LRRTM3: variants seen among roughly 807,000 people sequenced by gnomAD.
LRRTM3 encodes the protein leucine-rich repeat transmembrane neuronal protein 3.
LRRTM3 carries 24 observed loss-of-function variants against 44.7 expected under a neutral mutation model. The observed-to-expected ratio is 0.54, with a 90% confidence interval of 0.39 to 0.76. The LOEUF (loss-of-function observed/expected upper bound fraction) is 0.76. Ranked by LOEUF, LRRTM3 falls within the 30% of genes least tolerant of loss-of-function variation. The pLI is 0.00. For synonymous variants in LRRTM3, 277 were observed against 278.7 expected (o/e 0.99, Z 0.06); for missense variants, 587 against 702.2 (o/e 0.84, Z 1.85).
chr10:66,994,279 G>A (rs936172723), intron 2 of LRRTM3, among the ~76,000 whole-genome samples: 4 of 152,114 alleles, frequency 2.6e-5, no homozygotes, highest in South Asian at 2.1e-4. Flanking sequence ...AGCTTTATAC[G>A]GACATTTAAC....
intron 2 of LRRTM3, among the ~76,000 whole-genome samples, chr10:66,944,427 C>G (rs1281033110): frequency 6.6e-6 from 1 of 152,174 alleles, no homozygotes; most frequent in Non-Finnish European, 1.5e-5. Context: ...TCTTCAGTTA[C>G]TTCCTCCACT....
chr10:67,014,841 G>GA (rs1235348075), intron 2 of LRRTM3, among the ~76,000 whole-genome samples: 4 of 152,020 alleles, frequency 2.6e-5, no homozygotes, highest in Middle Eastern at 6.8e-3. Flanking sequence ...TACCAAGGTA[G>GA]AAAAATGGTC....
intron 2 of LRRTM3, among the ~76,000 whole-genome samples, chr10:66,953,693 T>C (rs1739809421): frequency 6.6e-6 from 1 of 152,186 alleles, no homozygotes; most frequent in Non-Finnish European, 1.5e-5. Context: ...CTTTGAAACT[T>C]AAAATAGATA....
Position 67,097,872 on chromosome 10 carries a change from G to A in LRRTM3, c.*76G>A. ...ACAAAATGAGGAAGATGTGTTCATT[G>A]TGGACTCTAAAAACAAAACAAAACA... is the stretch of plus-strand genomic sequence containing the variant. On this transcript the variant is annotated 3_prime_UTR_variant, in exon 3 of 3. Coordinates refer to ENST00000361320, the MANE Select transcript of LRRTM3 (RefSeq NM_178011.5). 7.6e-7 allele frequency: 1 copy of A among 1,323,226 alleles called. No individual in the cohort carries two copies. The allele number at this position is 1,323,226 out of a possible 1,614,324, so 82.0% of individuals were successfully genotyped here. A position where few individuals can be genotyped will look rare whatever the true frequency, so the allele number is the denominator to read the frequency against.
chr10:66,971,721 C>T (rs1849734382), intron 2 of LRRTM3, among the ~76,000 whole-genome samples: 1 of 152,112 alleles, frequency 6.6e-6, no homozygotes, highest in Non-Finnish European at 1.5e-5. Flanking sequence ...ACTGAATTTG[C>T]AGGCAATTCC....
intron 2 of LRRTM3, among the ~76,000 whole-genome samples, chr10:67,064,484 A>G (rs1280261226): frequency 6.6e-6 from 1 of 152,200 alleles, no homozygotes; most frequent in Non-Finnish European, 1.5e-5. Context: ...TTAAGTTCAC[A>G]ATAAATTTTA....
intron 2 of LRRTM3, among the ~76,000 whole-genome samples, chr10:67,043,253 T>C (rs1854519580): frequency 6.6e-6 from 1 of 151,752 alleles, no homozygotes; most frequent in Non-Finnish European, 1.5e-5. Context: ...CCACAGATGA[T>C]GAATGGTATG....
At chr10:66,950,553 T>C (rs1269345688) in intron 2 of LRRTM3, among the ~76,000 whole-genome samples, 1 of 152,094 alleles carries the variant, frequency 6.6e-6, no homozygotes, top group Non-Finnish European at 1.5e-5. Context: ...ATTTGAGATT[T>C]AGTTCATATC....
intron 2 of LRRTM3, among the ~76,000 whole-genome samples, chr10:66,943,346 C>G (rs1397134544): frequency 6.6e-6 from 1 of 151,862 alleles, no homozygotes; most frequent in Non-Finnish European, 1.5e-5. Flanking sequence ...TTTTTTTTTA[C>G]ACTTTAACAC....
chr10:66,994,593 A>C (rs1438460168), intron 2 of LRRTM3, among the ~76,000 whole-genome samples: 1 of 152,174 alleles, frequency 6.6e-6, no homozygotes, highest in African/African-American at 2.4e-5. Flanking sequence ...CCTAAAGTTC[A>C]TTATTTCAAT....
intron 2 of LRRTM3, among the ~76,000 whole-genome samples, chr10:66,980,998 C>T (rs913674653): frequency 2.0e-5 from 3 of 152,132 alleles, no homozygotes; most frequent in Non-Finnish European, 4.4e-5. Flanking sequence ...CCTCCACCTC[C>T]CGGGTTCAAG....
chr10:67,089,654 T>C (rs2131903999), intron 2 of LRRTM3, among the ~76,000 whole-genome samples: 1 of 151,842 alleles, frequency 6.6e-6, no homozygotes, highest in South Asian at 2.1e-4. Flanking sequence ...TTGGCACACA[T>C]AAAGGATGAA....
intron 2 of LRRTM3, among the ~76,000 whole-genome samples, chr10:67,035,543 A>G (rs1853995708): frequency 6.6e-6 from 1 of 152,186 alleles, no homozygotes. Flanking sequence ...GAATCAGTAA[A>G]TTCTAACTCG....
At chr10:66,955,012 T>C (rs1404120929) in intron 2 of LRRTM3, among the ~76,000 whole-genome samples, 1 of 152,182 alleles carries the variant, frequency 6.6e-6, no homozygotes, top group African/African-American at 2.4e-5. Context: ...TGGAAAACAT[T>C]GGAGCACATT....
intron 2 of LRRTM3, among the ~76,000 whole-genome samples, chr10:66,952,832 T>C (rs1240008782): frequency 6.6e-6 from 1 of 151,926 alleles, no homozygotes; most frequent in Non-Finnish European, 1.5e-5. Flanking sequence ...TTATATAATT[T>C]CAACAATTTT....
intron 2 of LRRTM3, among the ~76,000 whole-genome samples, chr10:66,972,421 G>C (rs1450624613): frequency 1.3e-5 from 2 of 152,116 alleles, no homozygotes; most frequent in Non-Finnish European, 2.9e-5. Context: ...CTCCTGAGTA[G>C]CTGGACCTAA....
At position 66,927,126 on chromosome 10, in the gene LRRTM3, T is replaced by C. The variant is rs1447731608; in HGVS notation, c.210T>C (p.Tyr70=). 1.2e-6 allele frequency: 2 copies of C among 1,614,194 alleles called. No individual in the cohort carries two copies. Among genetic ancestry groups the C allele is most frequent in the South Asian group, 1.1e-5 (1 of 91,086 alleles). ...GTTGCTTAGGTTTGTCCCTTCGCTATAACAGCCTTCAAAAACTTAAGTATA... is the reference window on the plus strand; with the variant it reads ...GTTGCTTAGGTTTGTCCCTTCGCTACAACAGCCTTCAAAAACTTAAGTATA... ...SAGCLGLSLR[Y]NSLQKLKYNQ... is the part of the protein sequence containing the mutation. Residue 70 remains tyrosine (Y), a synonymous_variant, in exon 2 of 3, where the codon TAT becomes TAC. Transcript: ENST00000361320. The surrounding 1 kb of genome is among the most constrained non-coding windows in gnomAD (Gnocchi z 4.7).
intron 2 of LRRTM3, among the ~76,000 whole-genome samples, chr10:66,955,635 G>A (rs919636317): frequency 7.9e-5 from 12 of 152,132 alleles, no homozygotes; most frequent in Non-Finnish European, 1.6e-4. Flanking sequence ...ATAGACACAC[G>A]ACTGCATGAC....
intron 2 of LRRTM3, among the ~76,000 whole-genome samples, chr10:67,033,134 C>G (rs547960369): frequency 6.6e-6 from 1 of 151,994 alleles, no homozygotes; most frequent in Non-Finnish European, 1.5e-5. Flanking sequence ...TGAAGGAAAC[C>G]GACTGATTTT....
Sources: gnomAD v4.1 joint callset for allele counts (sites outside exome capture counted in the v4.1 genomes callset) on GRCh38, gnomAD v4.1.1 for gene constraint, Gnocchi (gnomAD v3.1) non-coding constraint, MANE v1.5 for transcripts, NCBI Gene and HGNC (gene_info 2026-07-23, HGNC 2026-07-21) for gene names.